PRKX: variants seen among roughly 807,000 people sequenced by gnomAD.
PRKX encodes the protein protein kinase cAMP-dependent X-linked catalytic subunit.
A neutral mutation model predicts 22.0 loss-of-function variants in PRKX; 12 were observed. The observed-to-expected ratio is 0.54, with a 90% CI of 0.35 to 0.88. The LOEUF (loss-of-function observed/expected upper bound fraction) is 0.88, where lower values mean the gene tolerates loss of function less well. PRKX is among the 40% of genes least tolerant of loss of function. The probability of loss-of-function intolerance (pLI) is 0.01; values close to 1 mark genes in which losing one functional copy is unlikely to be tolerated. For synonymous variants in PRKX, 134 were observed against 137.7 expected (o/e 0.97, Z 0.19); for missense variants, 217 against 308.0 (o/e 0.70, Z 2.21).
At chrX:3,689,868 T>A (rs1239370392) in intron 1 of PRKX, among the ~76,000 whole-genome samples, 2 of 110,660 alleles carry the variant, frequency 1.8e-5, no homozygotes, top group Non-Finnish European at 1.9e-5. Context: ...TCCCAGCTAC[T>A]CAGGAGGCTG....
chrX:3,642,921 C>A (rs1309183110), intron 3 of PRKX, among the ~76,000 whole-genome samples: 1 of 102,381 alleles, frequency 9.8e-6, no homozygotes, highest in East Asian at 3.1e-4. Flanking sequence ...ATGTTTGAAC[C>A]CAGGAGGCGG....
chrX:3,643,216 T>A (rs1191826076), intron 3 of PRKX, among the ~76,000 whole-genome samples: 1 of 105,447 alleles, frequency 9.5e-6, no homozygotes, highest in Non-Finnish European at 1.9e-5. Flanking sequence ...GCCTGCTTTG[T>A]GCTCCAAAAG....
chrX:3,639,814 T>C (rs2146572971), intron 4 of PRKX, among the ~76,000 whole-genome samples: 1 of 110,855 alleles, frequency 9.0e-6, no homozygotes, highest in African/African-American at 3.3e-5. Flanking sequence ...TCACTTTCTT[T>C]ATAAAAGAGG....
chrX:3,667,679 C>G (rs1927763745), intron 2 of PRKX, among the ~76,000 whole-genome samples: 1 of 111,102 alleles, frequency 9.0e-6, no homozygotes, highest in Admixed American at 9.7e-5. Context: ...AGAGCCAGTC[C>G]TTCCTTATAT....
At chrX:3,703,554 C>T (rs916131416) in intron 1 of PRKX, among the ~76,000 whole-genome samples, 1 of 111,132 alleles carries the variant, frequency 9.0e-6, no homozygotes, top group African/African-American at 3.3e-5. Flanking sequence ...TTTACATCTT[C>T]GCTAAAGGTG....
At chrX:3,649,969 G>A (rs189151717) in intron 3 of PRKX, among the ~76,000 whole-genome samples, 12 of 109,608 alleles carry the variant, frequency 1.1e-4, no homozygotes, top group African/African-American at 3.3e-4. Context: ...GTGAAACCCC[G>A]TCTCTACAAA....
In PRKX at chrX:3,608,879, A is replaced by C. The variant is rs952673316; in HGVS notation, c.*90T>G. 2 of 112,042 alleles carry C rather than the reference A, an allele frequency of 1.8e-5. No homozygotes were observed. Among genetic ancestry groups the C allele is most frequent in the Non-Finnish European group, 3.8e-5 (2 of 53,233 alleles). The allele number at this position is 112,042 out of a possible 1,213,427, so 9.2% of individuals were successfully genotyped here. A position where few individuals can be genotyped will look rare whatever the true frequency, so the allele number is the denominator to read the frequency against. ...TGGAGATGTCCTTATGCCGTGAAGA[A>C]GACATTTTGCTTCTGGTCTGCTTAG... On this transcript the variant is annotated 3_prime_UTR_variant, in exon 9 of 9. Transcript: ENST00000262848.
intron 1 of PRKX, among the ~76,000 whole-genome samples, chrX:3,692,815 C>T (rs909655314): frequency 4.5e-5 from 5 of 111,407 alleles, no homozygotes; most frequent in East Asian, 2.8e-4. Context: ...GCGTGAGCCA[C>T]GGCGCCAGGT....
At position 3,612,267 on chromosome X, in the gene PRKX, G is replaced by T. The variant is rs1282906444; in HGVS notation, c.1010C>A (p.Pro337His). 4 of 1,210,942 alleles carry T rather than the reference G, an allele frequency of 3.3e-6. No homozygotes were observed. The highest frequency in any genetic ancestry group is 4.5e-6 in the Non-Finnish European group (4 of 895,221). ...DGDTSNFETY[P>H]ENDWDTAAPV... Reference sequence around the variant, plus strand: ...CGCGGCTGTGTCCCAGTCATTCTCAGGGTAAGTTTCGAAGTTGGAAGTGTC... The same window carrying T: ...CGCGGCTGTGTCCCAGTCATTCTCATGGTAAGTTTCGAAGTTGGAAGTGTC... Residue 337 changes from proline to histidine, a missense_variant, in exon 8 of 9, where the codon CCT becomes CAT. Coordinates refer to ENST00000262848, the MANE Select transcript of PRKX (RefSeq NM_005044.5).
At chrX:3,641,138 T>C (rs1927070707) in intron 4 of PRKX, among the ~76,000 whole-genome samples, 1 of 111,898 alleles carries the variant, frequency 8.9e-6, no homozygotes, top group Non-Finnish European at 1.9e-5. Flanking sequence ...GTAACCATAC[T>C]TTTATTCTTT....
chrX:3,687,030 T>TC (rs2146601866), intron 1 of PRKX, among the ~76,000 whole-genome samples: 1 of 111,167 alleles, frequency 9.0e-6, no homozygotes, highest in East Asian at 2.8e-4. Flanking sequence ...AATTAATTAA[T>TC]TTTTTTTAAG....
At chrX:3,645,905 G>A (rs143314783) in intron 3 of PRKX, among the ~76,000 whole-genome samples, 1,812 of 112,386 alleles carry the variant, frequency 0.016, 38 homozygotes, top group African/African-American at 0.056. Flanking sequence ...CTGCACTCCA[G>A]CCTGGCTGAC....
chrX:3,712,517 G>A (rs1312232130), intron 1 of PRKX, among the ~76,000 whole-genome samples: 1 of 112,362 alleles, frequency 8.9e-6, no homozygotes, highest in Admixed American at 9.4e-5. Flanking sequence ...AAGAGCACAG[G>A]CGGTGTCAGG....
intron 1 of PRKX, among the ~76,000 whole-genome samples, chrX:3,705,073 C>T (rs1222242140): frequency 8.9e-6 from 1 of 111,853 alleles, no homozygotes; most frequent in Non-Finnish European, 1.9e-5. Flanking sequence ...TGAATAGAGC[C>T]CCATCTAAAT....
At chrX:3,618,676 A>C (rs932855427) in intron 6 of PRKX, among the ~76,000 whole-genome samples, 15 of 111,654 alleles carry the variant, frequency 1.3e-4, no homozygotes, top group African/African-American at 4.2e-4. Context: ...GTTTATCTCC[A>C]TATCAGGAAG....
At chrX:3,614,051 C>G (rs149901588) in intron 7 of PRKX, among the ~76,000 whole-genome samples, 10,906 of 109,682 alleles carry the variant, frequency 0.099, 571 homozygotes, top group Non-Finnish European at 0.16. Flanking sequence ...TCACAAAAGC[C>G]AAGATATGGA....
intron 1 of PRKX, among the ~76,000 whole-genome samples, chrX:3,685,113 G>C (rs1928150682): frequency 9.0e-6 from 1 of 111,625 alleles, no homozygotes; most frequent in Non-Finnish European, 1.9e-5. Context: ...CACAACGCCT[G>C]GCCTAAAATA....
chrX:3,680,755 G>A lies in PRKX; in HGVS notation c.167-5989C>T, dbSNP rs181986660. 4.3e-4 allele frequency among the ~76,000 whole-genome samples: 48 copies of A among 111,920 alleles called. 1 individual carries two copies. The East Asian group carries it at 0.013, about 31-fold the overall frequency. ...AAGACTCACAACTGGCGGCTTGGGG[G>A]CTGGGGGGAATCTACAGCCAGGCAC... is the stretch of plus-strand genomic sequence containing the variant. On this transcript the variant is annotated intron_variant, in intron 1 of 8. Transcript: ENST00000262848.
intron 1 of PRKX, among the ~76,000 whole-genome samples, chrX:3,700,819 C>T (rs1480490885): frequency 9.0e-6 from 1 of 110,900 alleles, no homozygotes; most frequent in Admixed American, 9.7e-5. Context: ...AGGCTAGTCT[C>T]GAACCCCTGG....
Sources: allele counts gnomAD v4.1 joint callset (sites outside exome capture counted in the v4.1 genomes callset), GRCh38; gene constraint gnomAD v4.1.1; transcripts MANE v1.5; gene names NCBI Gene and HGNC (gene_info 2026-07-23, HGNC 2026-07-21).